CEP126: variants seen among roughly 807,000 people sequenced by gnomAD.
CEP126 encodes the protein centrosomal protein of 126 kDa.
CEP126 carries 74 observed loss-of-function variants against 107.8 expected under a neutral mutation model. The observed-to-expected ratio is 0.69, with a 90% confidence interval of 0.57 to 0.83. The LOEUF (loss-of-function observed/expected upper bound fraction) is 0.83, where lower values mean the gene tolerates loss of function less well. Among genes scored for constraint, CEP126 ranks in the 40% least tolerant of loss-of-function variants. CEP126 has a pLI of 0.00. For synonymous variants in CEP126, 449 were observed against 446.0 expected (o/e 1.01, Z -0.08); for missense variants, 1,237 against 1,281.9 (o/e 0.96, Z 0.53).
chr11:101,955,317 G>A lies in CEP126; in HGVS notation c.507-2851G>A, dbSNP rs987093451. On this transcript the variant is annotated intron_variant, in intron 4 of 10. Coordinates refer to ENST00000263468, the MANE Select transcript of CEP126 (RefSeq NM_020802.4). ...CATTCTGGAAGGTGTAAAGTAAAAG[G>A]GGATATATTGTCTCCCATATTAAAT... Among the ~76,000 whole-genome samples the A allele has an allele frequency of 1.8e-3, 277 of 152,096 alleles. 4 individuals are homozygous for A. The highest frequency in any genetic ancestry group is 1.6e-4 in the Non-Finnish European group (11 of 68,008).
intron 2 of CEP126, among the ~76,000 whole-genome samples, chr11:101,923,672 G>A (rs936086104): frequency 3.3e-5 from 5 of 152,234 alleles, no homozygotes; most frequent in Admixed American, 6.5e-5. Flanking sequence ...GTATGCATAG[G>A]TTTCTGCTTT....
intron 2 of CEP126, among the ~76,000 whole-genome samples, chr11:101,925,413 AT>A (rs1176195517): frequency 1.3e-5 from 2 of 152,126 alleles, no homozygotes; most frequent in African/African-American, 4.8e-5. Context: ...ATGATTCAAC[AT>A]TATGTCAGGA....
At chr11:101,981,374 A>T (rs182787027) in intron 7 of CEP126, among the ~76,000 whole-genome samples, 2 of 152,002 alleles carry the variant, frequency 1.3e-5, no homozygotes, top group Non-Finnish European at 2.9e-5. Flanking sequence ...GCTCACTGCA[A>T]CCTCCATCTC....
At position 101,992,797 on chromosome 11, in the gene CEP126, C is replaced by G. The variant is rs1253821332; in HGVS notation, c.3264C>G (p.Cys1088Trp). Residue 1088 changes from cysteine (C) to tryptophan (W), a missense_variant, in exon 10 of 11, where the codon TGC becomes TGG. By Grantham distance (215) the Cys-to-Trp change is radical. Around this residue, in one of 3 missense-constraint regions of CEP126, gnomAD observed 99 missense variants for 114.4 expected, o/e 0.87. Transcript: ENST00000263468. ...TTTCAGATATACAAGAATCCATTTGCAAAAACCCATCCATCAAAAATACTT... is the reference window on the plus strand; with the variant it reads ...TTTCAGATATACAAGAATCCATTTGGAAAAACCCATCCATCAAAAATACTT... ...ERLHYIQESI[C>W]KNPSIKNTLQ... is the part of the protein sequence containing the mutation. The G allele has an allele frequency of 6.6e-7, 1 of 1,518,244 alleles. No individual in the cohort carries two copies. The highest frequency in any genetic ancestry group is 2.4e-5 in the East Asian group (1 of 41,266). The allele number at this position is 1,518,244 out of a possible 1,614,324, so 94.0% of individuals were successfully genotyped here.
chr11:101,971,896 C>A (rs1000004637), intron 6 of CEP126, among the ~76,000 whole-genome samples: 1 of 151,750 alleles, frequency 6.6e-6, no homozygotes, highest in African/African-American at 2.4e-5. Flanking sequence ...ATCACTTGAG[C>A]CCAGGAGTTT....
intron 4 of CEP126, chr11:101,956,351 CCCA>C: frequency 2.2e-6 from 1 of 456,306 alleles, no homozygotes; most frequent in Non-Finnish European, 4.4e-6. Flanking sequence ...TCCACCAGTC[CCCA>C]CTCTTTCTTA....
In CEP126 at chr11:101,941,294, C is replaced by G. The variant is rs1940660308; in HGVS notation, c.249-2971C>G. Among the ~76,000 whole-genome samples the G allele has an allele frequency of 2.0e-5, 3 of 152,238 alleles. No individual in the cohort carries two copies. The South Asian group carries it at 6.2e-4, about 32-fold the overall frequency. On this transcript the variant is annotated intron_variant, in intron 2 of 10. Coordinates refer to ENST00000263468, the MANE Select transcript of CEP126 (RefSeq NM_020802.4). Reference sequence around the variant, plus strand: ...ATTCTGTACCCATTAAGCACTAACTCCCCATGCTACCCTCCCCACCAGCTG... The same window carrying G: ...ATTCTGTACCCATTAAGCACTAACTGCCCATGCTACCCTCCCCACCAGCTG...
At chr11:101,961,589 A>C in intron 5 of CEP126, 152 bp from the exon 6 acceptor site, 1 of 476,442 alleles carries the variant, frequency 2.1e-6, no homozygotes, top group Non-Finnish European at 3.6e-6. Flanking sequence ...GGATTGCTGC[A>C]GGGATAAGAA....
intron 10 of CEP126, among the ~76,000 whole-genome samples, chr11:101,993,395 C>CT (rs1196546249): frequency 6.6e-6 from 1 of 152,128 alleles, no homozygotes; most frequent in Non-Finnish European, 1.5e-5. Context: ...TGATCTTGGT[C>CT]TTTTTTATGG....
At chr11:101,968,148 C>G (rs1022919537) in intron 6 of CEP126, among the ~76,000 whole-genome samples, 14 of 151,844 alleles carry the variant, frequency 9.2e-5, no homozygotes, top group Non-Finnish European at 1.8e-4. Flanking sequence ...ATAGACAGAA[C>G]TATGAGACTT....
intron 7 of CEP126, among the ~76,000 whole-genome samples, chr11:101,979,079 C>T (rs1256310611): frequency 6.6e-6 from 1 of 151,946 alleles, no homozygotes; most frequent in Non-Finnish European, 1.5e-5. Flanking sequence ...TTACAGTGAG[C>T]TGAGGTCGCA....
At chr11:101,936,446 AGTT>A (rs2137089627) in intron 2 of CEP126, among the ~76,000 whole-genome samples, 1 of 152,252 alleles carries the variant, frequency 6.6e-6, no homozygotes, top group South Asian at 2.1e-4. Context: ...TTTTCTCATT[AGTT>A]CCAGGAGTTA....
chr11:101,917,742 A>G (rs1253673164), intron 1 of CEP126, among the ~76,000 whole-genome samples: 1 of 151,734 alleles, frequency 6.6e-6, no homozygotes, highest in Non-Finnish European at 1.5e-5. Context: ...TTTATACCCT[A>G]TTCTTAACTA....
chr11:101,946,286 G>C (rs1485035719), intron 3 of CEP126, among the ~76,000 whole-genome samples: 2 of 151,034 alleles, frequency 1.3e-5, no homozygotes, highest in Non-Finnish European at 3.0e-5. Context: ...CAGGTGGATG[G>C]TTTAAGAGCT....
chr11:101,986,847 C>A lies in CEP126; in HGVS notation c.3050C>A (p.Ser1017Tyr). The change falls in exon 9 of 11, where the codon TCT (serine) becomes TAT (tyrosine). Residue 1017 changes from serine to tyrosine, a missense_variant. Physicochemically the swap from Ser to Tyr is moderately radical, Grantham distance 144. Around this residue, in one of 3 missense-constraint regions of CEP126, gnomAD observed 99 missense variants for 114.4 expected, o/e 0.87. Transcript: ENST00000263468. ...GTTTCTGTAGTTTCAGATAGTACTT[C>A]TGAGTTTTTGATGGCTGAAAACTTA... ...SYIEEVSDSTSEFLMAENLVK... is the reference protein window; with the variant it reads ...SYIEEVSDSTYEFLMAENLVK... The A allele has an allele frequency of 6.2e-7, 1 of 1,613,648 alleles. No homozygotes were observed. Among genetic ancestry groups the A allele is most frequent in the Middle Eastern group, 1.7e-4 (1 of 6,054 alleles).
At position 101,922,708 on chromosome 11, in the gene CEP126, A is replaced by T. The variant is rs200465752; in HGVS notation, c.196A>T (p.Ile66Leu). 6.8e-5 allele frequency: 110 copies of T among 1,612,950 alleles called. No individual in the cohort carries two copies. Among genetic ancestry groups the T allele is most frequent in the Non-Finnish European group, 4.3e-5 (51 of 1,179,210 alleles). Residue 66 changes from isoleucine (I) to leucine (L), a missense_variant, in exon 2 of 11, where the codon ATA (isoleucine) becomes TTA (leucine). Around this residue, in one of 3 missense-constraint regions of CEP126, gnomAD observed 1,134 missense variants for 1,150.5 expected, o/e 0.99. Coordinates refer to ENST00000263468, the MANE Select transcript of CEP126 (RefSeq NM_020802.4). ...CCAGATATTACTGCAGCAACAAAAA[A>T]TATGTCGAAATCGAGCACGTAAATA... ...ERQILLQQQK[I>L]CRNRARKYFV...
chr11:101,981,695 T>C (rs1354187977), intron 7 of CEP126, among the ~76,000 whole-genome samples, 194 bp from the exon 8 acceptor site: 3 of 152,204 alleles, frequency 2.0e-5, no homozygotes, highest in Non-Finnish European at 2.9e-5. Flanking sequence ...ACATTTTTCA[T>C]AATATTCCAT....
intron 2 of CEP126, among the ~76,000 whole-genome samples, chr11:101,924,946 T>G (rs1940385371): frequency 6.6e-6 from 1 of 152,240 alleles, no homozygotes; most frequent in Admixed American, 6.5e-5. Context: ...TTATTGCATT[T>G]CTATTAGCCA....
At chr11:101,968,671 T>C (rs939283916) in intron 6 of CEP126, among the ~76,000 whole-genome samples, 1 of 152,284 alleles carries the variant, frequency 6.6e-6, no homozygotes, top group Admixed American at 6.5e-5. Context: ...GTATAAGTTA[T>C]GGGCTTTCTC....
Sources: gnomAD v4.1 joint callset for allele counts (sites outside exome capture counted in the v4.1 genomes callset) on GRCh38, gnomAD v4.1.1 for gene constraint, gnomAD v4.1.1 regional missense constraint, MANE v1.5 for transcripts, NCBI Gene and HGNC (gene_info 2026-07-23, HGNC 2026-07-21) for gene names.